PCDH9: variants seen among roughly 807,000 people sequenced by gnomAD.
The protein encoded by PCDH9 is protocadherin 9, also known as protocadherin-9.
PCDH9 carries 24 observed loss-of-function variants against 70.6 expected under a neutral mutation model. The observed-to-expected ratio is 0.34, with a 90% CI of 0.25 to 0.48. PCDH9 has a LOEUF of 0.48. Ranked by LOEUF, PCDH9 falls within the 20% of genes least tolerant of loss-of-function variation. PCDH9 has a pLI of 0.99. For missense variants in PCDH9, 1,281 were observed against 1,503.6 expected, an observed-to-expected ratio of 0.85 and a Z score of 2.45; for synonymous variants, 562 against 558.5, an observed-to-expected ratio of 1.01 and a Z score of -0.09.
intron 4 of PCDH9, among the ~76,000 whole-genome samples, chr13:66,495,223 G>A (rs1191093409): frequency 6.6e-6 from 1 of 152,096 alleles, no homozygotes; most frequent in East Asian, 1.9e-4. Flanking sequence ...ATTTTTGTTA[G>A]CATGTTTCAA....
intron 3 of PCDH9, among the ~76,000 whole-genome samples, chr13:66,837,462 C>A (rs561087799): frequency 6.6e-6 from 1 of 152,274 alleles, no homozygotes; most frequent in East Asian, 1.9e-4. Context: ...TCCAAAGACC[C>A]TGCCCACGAC....
chr13:66,705,907 A>T (rs1195053641), intron 3 of PCDH9, among the ~76,000 whole-genome samples: 1 of 152,202 alleles, frequency 6.6e-6, no homozygotes, highest in Non-Finnish European at 1.5e-5. Flanking sequence ...CCTTTATTTC[A>T]TGGCTACTTT....
intron 2 of PCDH9, among the ~76,000 whole-genome samples, chr13:67,138,499 A>T (rs1328121293): frequency 6.6e-6 from 1 of 152,192 alleles, no homozygotes; most frequent in Admixed American, 6.5e-5. Flanking sequence ...CACTTCAGCT[A>T]TGACAGGAAA....
At chr13:66,805,549 T>G (rs1455582231) in intron 3 of PCDH9, among the ~76,000 whole-genome samples, 1 of 152,178 alleles carries the variant, frequency 6.6e-6, no homozygotes, top group Non-Finnish European at 1.5e-5. Context: ...CCCCTTATGT[T>G]GCACAGGATG....
intron 2 of PCDH9, among the ~76,000 whole-genome samples, chr13:66,983,272 T>C (rs1445405281): frequency 6.6e-6 from 1 of 151,716 alleles, no homozygotes; most frequent in East Asian, 1.9e-4. Context: ...ATAAATGAGA[T>C]TAGGCATTTG....
chr13:66,529,221 G>A (rs1400346488), intron 4 of PCDH9, among the ~76,000 whole-genome samples: 2 of 151,752 alleles, frequency 1.3e-5, no homozygotes, highest in Non-Finnish European at 2.9e-5. Context: ...CAGAAAGGAA[G>A]TTGAAGTTAA....
intron 4 of PCDH9, among the ~76,000 whole-genome samples, chr13:66,531,775 C>A (rs573653925): frequency 6.6e-6 from 1 of 152,188 alleles, no homozygotes; most frequent in African/African-American, 2.4e-5. Context: ...TGTACTAATG[C>A]ATTAAAATAA....
chr13:67,079,559 A>G (rs1399076521), intron 2 of PCDH9, among the ~76,000 whole-genome samples: 2 of 152,208 alleles, frequency 1.3e-5, no homozygotes, highest in Non-Finnish European at 2.9e-5. Flanking sequence ...GGAAGTAAAA[A>G]GATTTTATAC....
Position 67,018,610 on chromosome 13 carries a change from T to TC in PCDH9, c.3037-115006dup, listed in dbSNP as rs761647580. On this transcript the variant is annotated intron_variant, in intron 2 of 4. Transcript: ENST00000377865. Reference sequence around the variant, plus strand: ...CTTCAGCCTGGCAACAGAGCGAGACTCGTCTCAAAAAAAAAAAAAAAAGGA... The same window carrying TC: ...CTTCAGCCTGGCAACAGAGCGAGACTCCGTCTCAAAAAAAAAAAAAAAAGGA... Among the ~76,000 whole-genome samples, 612 of 127,284 alleles carry TC rather than the reference T, an allele frequency of 4.8e-3. 3 individuals are homozygous for TC. Among genetic ancestry groups the TC allele is most frequent in the Non-Finnish European group, 8.0e-3 (495 of 61,936 alleles). 83.5% of individuals were successfully genotyped at this position (127,284 alleles called of 152,430 possible).
At chr13:66,493,361 TTC>T (rs1263869505) in intron 4 of PCDH9, among the ~76,000 whole-genome samples, 1 of 152,198 alleles carries the variant, frequency 6.6e-6, no homozygotes, top group African/African-American at 2.4e-5. Flanking sequence ...GTTCGCAAGG[TTC>T]TATTCTTAAT....
rs762580886 is a variant in PCDH9 at position 67,228,033 on chromosome 13, A to G, written c.408T>C (p.Asn136=). 1.2e-5 allele frequency: 19 copies of G among 1,613,870 alleles called. No homozygotes were observed. The highest frequency in any genetic ancestry group is 1.6e-5 in the Non-Finnish European group (19 of 1,179,968). ...IKIKIIVKDT[N]DNAPMFPSPV... Reference sequence around the variant, plus strand: ...GAGATGGAAACATGGGGGCATTATCATTGGTATCCTTGACAATTATTTTTA... The same window carrying G: ...GAGATGGAAACATGGGGGCATTATCGTTGGTATCCTTGACAATTATTTTTA... The change falls in exon 2 of 5, where the codon AAT becomes AAC. Residue 136 remains asparagine (N), a synonymous_variant. Coordinates refer to ENST00000377865, the MANE Select transcript of PCDH9 (RefSeq NM_203487.3).
At chr13:67,069,461 A>C (rs2085715405) in intron 2 of PCDH9, among the ~76,000 whole-genome samples, 1 of 152,212 alleles carries the variant, frequency 6.6e-6, no homozygotes, top group African/African-American at 2.4e-5. Context: ...TAATGTTTTT[A>C]ATGTAATAAT....
intron 3 of PCDH9, among the ~76,000 whole-genome samples, chr13:66,688,842 G>A (rs2078441897): frequency 6.6e-6 from 1 of 151,836 alleles, no homozygotes; most frequent in South Asian, 2.1e-4. Context: ...TTATATATAT[G>A]GCATACATAG....
At chr13:66,742,172 C>T (rs1352734764) in intron 3 of PCDH9, among the ~76,000 whole-genome samples, 8 of 52,424 alleles carry the variant, frequency 1.5e-4, no homozygotes, top group Admixed American at 9.3e-4. Flanking sequence ...AGAACAGAGC[C>T]CTCAGAAATA....
chr13:66,972,008 T>C (rs1325058139), intron 2 of PCDH9, among the ~76,000 whole-genome samples: 1 of 151,922 alleles, frequency 6.6e-6, no homozygotes, highest in Non-Finnish European at 1.5e-5. Flanking sequence ...TTTAGGTATA[T>C]AACCTCCATC....
chr13:66,769,482 G>GT (rs34815868), intron 3 of PCDH9, among the ~76,000 whole-genome samples: 13,740 of 145,040 alleles, frequency 0.095, 648 homozygotes, highest in East Asian at 0.15. Context: ...TAGCAACATG[G>GT]TTTTTTTTTT....
intron 3 of PCDH9, among the ~76,000 whole-genome samples, chr13:66,882,714 G>T (rs1457785006): frequency 6.6e-6 from 1 of 152,076 alleles, no homozygotes; most frequent in East Asian, 1.9e-4. Flanking sequence ...TTAAATCCAA[G>T]GTATCAGCAA....
intron 2 of PCDH9, among the ~76,000 whole-genome samples, chr13:67,006,227 A>AAAAC (rs149403539): frequency 0.093 from 14,210 of 152,116 alleles, 735 homozygotes; most frequent in Non-Finnish European, 0.12. Flanking sequence ...ACTCCGTCTC[A>AAAAC]AAACAAACAA....
chr13:66,939,490 T>C (rs2082973347), intron 2 of PCDH9, among the ~76,000 whole-genome samples: 1 of 150,806 alleles, frequency 6.6e-6, no homozygotes, highest in Non-Finnish European at 1.5e-5. Flanking sequence ...CAGGGTGCAA[T>C]GGTGTGATCT....
Sources: allele counts gnomAD v4.1 joint callset (sites outside exome capture counted in the v4.1 genomes callset), GRCh38; gene constraint gnomAD v4.1.1; transcripts MANE v1.5; gene names NCBI Gene and HGNC (gene_info 2026-07-23, HGNC 2026-07-21).